Variants in DTX1 observed in about 807,000 individuals in gnomAD.
DTX1 encodes the protein E3 ubiquitin-protein ligase DTX1.
DTX1 carries 26 observed loss-of-function variants against 57.8 expected under a neutral mutation model. That is an observed-to-expected ratio of 0.45 (90% CI 0.33 to 0.62). The LOEUF (loss-of-function observed/expected upper bound fraction) is 0.62. Ranked by LOEUF, DTX1 falls within the 20% of genes least tolerant of loss-of-function variation. The pLI is 0.02. For synonymous variants in DTX1, 398 were observed against 394.1 expected (o/e 1.01, Z -0.12); for missense variants, 704 against 895.3 (o/e 0.79, Z 2.73).
In DTX1 at chr12:113,058,432, C is replaced by T; in HGVS notation, c.240C>T (p.His80=). The change falls in exon 2 of 10, where the codon CAC becomes CAT. Residue 80 remains histidine, a synonymous_variant. Coordinates refer to ENST00000548759, the MANE Select transcript of DTX1 (RefSeq NM_004416.3). ...ACATCATCGACCTGCAGTCCATGCA[C>T]CAGTTTCGCCAGGACACAGGTGAGC... ...VPYIIDLQSM[H]QFRQDTGTMR... 6.2e-7 allele frequency: 1 copy of T among 1,602,624 alleles called. No homozygotes were observed. The highest frequency in any genetic ancestry group is 1.1e-5 in the South Asian group (1 of 90,880).
intron 3 of DTX1, among the ~76,000 whole-genome samples, chr12:113,079,971 C>T (rs1425882744): frequency 1.3e-5 from 2 of 151,704 alleles, no homozygotes; most frequent in Non-Finnish European, 2.9e-5. Flanking sequence ...TGTGAAAACG[C>T]TGTGTACCTG....
intron 2 of DTX1, among the ~76,000 whole-genome samples, chr12:113,069,115 T>C (rs553178736): frequency 5.3e-5 from 8 of 152,176 alleles, no homozygotes; most frequent in African/African-American, 9.7e-5. Flanking sequence ...GCCTGGCACA[T>C]AGTAGGCCCT....
Position 113,056,852 on chromosome 12 carries a change from CG to C in DTX1, c.-834del, listed in dbSNP as rs1279662032. 7.9e-5 allele frequency: 12 copies of C among 152,228 alleles called. No individual in the cohort carries two copies. Among genetic ancestry groups the C allele is most frequent in the Non-Finnish European group, 1.5e-5 (1 of 68,118 alleles). The allele number at this position is 152,228 out of a possible 1,614,324, so 9.4% of individuals were successfully genotyped here. ...GCCTGGGAGGGAACGGGCGCGGAGGCGGGACCGCGGCTCCCTCCCACTCCGG... is the reference window on the plus strand; with the variant it reads ...GCCTGGGAGGGAACGGGCGCGGAGGCGGACCGCGGCTCCCTCCCACTCCGG... On this transcript the variant is annotated 5_prime_UTR_variant, in exon 1 of 10. Coordinates refer to ENST00000548759, the MANE Select transcript of DTX1 (RefSeq NM_004416.3).
intron 2 of DTX1, among the ~76,000 whole-genome samples, chr12:113,074,997 CAGGGA>C (rs1051556362): frequency 6.6e-6 from 1 of 152,112 alleles, no homozygotes; most frequent in Admixed American, 6.5e-5. Flanking sequence ...TAAACCTCTC[CAGGGA>C]AGGGTCATGA....
Position 113,078,054 on chromosome 12 carries a change from C to G in DTX1, c.890C>G (p.Pro297Arg), listed in dbSNP as rs1175087618. 24 of 1,377,974 alleles carry G rather than the reference C, an allele frequency of 1.7e-5. No individual in the cohort carries two copies. In the African/African-American group the frequency reaches 2.4e-4, roughly 14 times the overall value. 85.4% of individuals were successfully genotyped at this position (1,377,974 alleles called of 1,614,324 possible). A position where few individuals can be genotyped will look rare whatever the true frequency, so the allele number is the denominator to read the frequency against. The part of the protein sequence containing the change: ...RTPGQNNLNR[P>R]GPQRTTSVSA... ...CCGGGGCAGAACAACCTCAACCGGCCCGGGCCCCAGCGCACCACCAGCGTG... is the reference window on the plus strand; with the variant it reads ...CCGGGGCAGAACAACCTCAACCGGCGCGGGCCCCAGCGCACCACCAGCGTG... The change falls in exon 3 of 10, where the codon CCC (proline) becomes CGC (arginine). Residue 297 changes from proline (P) to arginine (R), a missense_variant. By Grantham distance (103) the Pro-to-Arg change is moderately radical. Transcript: ENST00000548759.
chr12:113,093,203 C>G lies in DTX1; in HGVS notation c.983C>G (p.Pro328Arg). 2 of 1,596,780 alleles carry G rather than the reference C, an allele frequency of 1.3e-6. No homozygotes were observed. The highest frequency in any genetic ancestry group is 2.3e-5 in the East Asian group (1 of 44,008). ...GTGAAGAACTTGAATGGTACTGGGCCGGTCCATCCGGCCCTGGCAGGTGAG... is the reference window on the plus strand; with the variant it reads ...GTGAAGAACTTGAATGGTACTGGGCGGGTCCATCCGGCCCTGGCAGGTGAG... ...LPVKNLNGTG[P>R]VHPALAGMTG... Residue 328 changes from proline to arginine, a missense_variant, in exon 4 of 10, where the codon CCG becomes CGG. Coordinates refer to ENST00000548759, the MANE Select transcript of DTX1 (RefSeq NM_004416.3). This position sits in a 1 kb window ranked among gnomAD's most constrained non-coding sequence, Gnocchi z 4.2.
At chr12:113,058,694 A>G (rs1171816020) in intron 2 of DTX1, among the ~76,000 whole-genome samples, 1 of 152,186 alleles carries the variant, frequency 6.6e-6, no homozygotes, top group Non-Finnish European at 1.5e-5. Context: ...CAGTTTCCTC[A>G]TCTGCAAAAT....
intron 3 of DTX1, among the ~76,000 whole-genome samples, chr12:113,082,337 C>A (rs921669068): frequency 9.8e-5 from 15 of 152,334 alleles, no homozygotes; most frequent in Middle Eastern, 3.4e-3. Flanking sequence ...GGGGAAAATC[C>A]CTCTGGCTCT....
At chr12:113,075,287 C>T (rs1266803365) in intron 2 of DTX1, among the ~76,000 whole-genome samples, 1 of 152,200 alleles carries the variant, frequency 6.6e-6, no homozygotes, top group Non-Finnish European at 1.5e-5. Context: ...GCCTCCCAGC[C>T]CTGGGGTCCC....
intron 7 of DTX1, 34 bp downstream of exon 7, chr12:113,094,981 C>T: frequency 6.2e-7 from 1 of 1,606,492 alleles, no homozygotes; most frequent in Non-Finnish European, 8.5e-7. Context: ...GAGGAGTGGG[C>T]AGGGAACGGA....
rs1002054645 is a variant in DTX1 at position 113,074,342 on chromosome 12, A to C, written c.260-3082A>C. The stretch of plus-strand genomic sequence containing the variant: ...TTAGATGTTTGAACACACACCTGTA[A>C]GAAAGAAGGGAGGAAATGATGAGAA... On this transcript the variant is annotated intron_variant, in intron 2 of 9. Coordinates refer to ENST00000548759, the MANE Select transcript of DTX1 (RefSeq NM_004416.3). Among the ~76,000 whole-genome samples the C allele has an allele frequency of 2.0e-5, 3 of 152,222 alleles. No individual in the cohort carries two copies. The South Asian group carries it at 6.2e-4, about 31-fold the overall frequency.
In DTX1 at chr12:113,093,805, C is replaced by T. The variant is rs1950264880; in HGVS notation, c.1165+105C>T. 2.7e-6 allele frequency: 4 copies of T among 1,507,720 alleles called. No individual in the cohort carries two copies. The highest frequency in any genetic ancestry group is 3.6e-6 in the Non-Finnish European group (4 of 1,113,362). The allele number at this position is 1,507,720 out of a possible 1,614,324, so 93.4% of individuals were successfully genotyped here. On this transcript the variant is annotated intron_variant, in intron 5 of 9. Coordinates refer to ENST00000548759, the MANE Select transcript of DTX1 (RefSeq NM_004416.3). The surrounding 1 kb of genome is among the most constrained non-coding windows in gnomAD (Gnocchi z 4.2). ...CTTATTCTTAGCATTTACTACCTCACCTCCATTGCCTGATCTCAGCTCCCC... is the reference window on the plus strand; with the variant it reads ...CTTATTCTTAGCATTTACTACCTCATCTCCATTGCCTGATCTCAGCTCCCC...
chr12:113,089,514 G>A (rs565790978), intron 3 of DTX1, among the ~76,000 whole-genome samples: 5 of 152,288 alleles, frequency 3.3e-5, no homozygotes, highest in South Asian at 2.1e-4. Flanking sequence ...CTCCCCTTCC[G>A]GGAGGCCCGC....
chr12:113,095,508 C>T, intron 9 of DTX1, 94 bp downstream of exon 9: 6 of 1,487,346 alleles, frequency 4.0e-6, no homozygotes, highest in Admixed American at 1.9e-5. Context: ...ATTCCCAATC[C>T]CTGCTCTCAC....
At chr12:113,090,697 C>G (rs1950241438) in intron 3 of DTX1, among the ~76,000 whole-genome samples, 1 of 152,216 alleles carries the variant, frequency 6.6e-6, no homozygotes, top group African/African-American at 2.4e-5. Context: ...GACCTCTCCA[C>G]AGCCCTCAGA....
intron 3 of DTX1, among the ~76,000 whole-genome samples, chr12:113,086,621 T>A (rs1302350217): frequency 6.6e-6 from 1 of 152,218 alleles, no homozygotes; most frequent in African/African-American, 2.4e-5. Context: ...TTTGTTGTGG[T>A]GGGTGTGTTT....
At chr12:113,071,973 T>C (rs1399532981) in intron 2 of DTX1, among the ~76,000 whole-genome samples, 1 of 152,246 alleles carries the variant, frequency 6.6e-6, no homozygotes, top group Non-Finnish European at 1.5e-5. Flanking sequence ...GAGGGAGGCC[T>C]GGGCTAGCTG....
In DTX1 at chr12:113,097,151, C is replaced by A; in HGVS notation, c.*212C>A. The stretch of plus-strand genomic sequence containing the variant: ...ATCATAGCTCCCTGAGAGGGCCAAG[C>A]AGAGAGTACTGGAAACCTCCCTACC... On this transcript the variant is annotated 3_prime_UTR_variant, in exon 10 of 10. Coordinates refer to ENST00000548759, the MANE Select transcript of DTX1 (RefSeq NM_004416.3). 1 of 593,730 alleles carries A rather than the reference C, an allele frequency of 1.7e-6. No homozygotes were observed. Among genetic ancestry groups the A allele is most frequent in the Non-Finnish European group, 3.0e-6 (1 of 338,242 alleles). 36.8% of individuals were successfully genotyped at this position (593,730 alleles called of 1,614,324 possible).
chr12:113,093,436 A>ACCCCC lies in DTX1; in HGVS notation c.1004-103_1004-102insCCCCC. 3.4e-5 allele frequency: 30 copies of ACCCCC among 876,228 alleles called. No individual in the cohort carries two copies. Among genetic ancestry groups the ACCCCC allele is most frequent in the Non-Finnish European group, 4.1e-5 (24 of 586,186 alleles). The allele number at this position is 876,228 out of a possible 1,614,324, so 54.3% of individuals were successfully genotyped here. On this transcript the variant is annotated intron_variant, in intron 4 of 9. Coordinates refer to ENST00000548759, the MANE Select transcript of DTX1 (RefSeq NM_004416.3). This position sits in a 1 kb window ranked among gnomAD's most constrained non-coding sequence, Gnocchi z 4.2. The stretch of plus-strand genomic sequence containing the variant: ...CTGAGTGGGTGGGGCCCAAGAGCGC[A>ACCCCC]ACCCTCCCACCCACCCGAGGGCCCC...
Sources: allele counts gnomAD v4.1 joint callset (sites outside exome capture counted in the v4.1 genomes callset), GRCh38; gene constraint gnomAD v4.1.1; non-coding constraint Gnocchi (gnomAD v3.1); transcripts MANE v1.5; gene names NCBI Gene and HGNC (gene_info 2026-07-23, HGNC 2026-07-21).